Variants in SSBP3 observed in about 807,000 individuals in gnomAD.
SSBP3 encodes single stranded DNA binding protein 3, also known as single-stranded DNA-binding protein 3.
Under a neutral mutation model 69.6 loss-of-function variants are expected in SSBP3, and 5 were observed. The observed-to-expected ratio is 0.07, with a 90% CI of 0.04 to 0.15. The LOEUF (loss-of-function observed/expected upper bound fraction) is 0.15. Among genes scored for constraint, SSBP3 ranks in the 10% least tolerant of loss-of-function variants. SSBP3 has a pLI of 1.00. For missense variants in SSBP3, 312 were observed against 534.0 expected (o/e 0.58, Z 4.10); for synonymous variants, 196 against 193.4 (o/e 1.01, Z -0.11).
intron 4 of SSBP3, among the ~76,000 whole-genome samples, chr1:54,315,401 A>G (rs896072512): frequency 6.6e-6 from 1 of 152,162 alleles, no homozygotes; most frequent in African/African-American, 2.4e-5. Context: ...ACTTGGTACT[A>G]TGAGAAGCAC....
At chr1:54,308,754 C>A (rs925243259) in intron 4 of SSBP3, among the ~76,000 whole-genome samples, 1 of 151,680 alleles carries the variant, frequency 6.6e-6, no homozygotes, top group African/African-American at 2.4e-5. Context: ...GGTGACAGAG[C>A]GAGACTCAGT....
chr1:54,311,818 C>G (rs1266897019), intron 4 of SSBP3, among the ~76,000 whole-genome samples: 4 of 152,110 alleles, frequency 2.6e-5, no homozygotes. Flanking sequence ...TAGAAATAGT[C>G]CTTGTATGAC....
chr1:54,283,322 T>C (rs985399813), intron 4 of SSBP3, among the ~76,000 whole-genome samples: 3 of 146,694 alleles, frequency 2.0e-5, no homozygotes, highest in South Asian at 2.2e-4. Context: ...CCAACTTTGA[T>C]GAAAGGAAAT....
intron 4 of SSBP3, among the ~76,000 whole-genome samples, chr1:54,315,141 A>C (rs1430190196): frequency 6.6e-6 from 1 of 152,174 alleles, no homozygotes; most frequent in Non-Finnish European, 1.5e-5. Flanking sequence ...CAAAATGTTG[A>C]ATCAAGGCTA....
chr1:54,402,828 A>C lies in SSBP3; in HGVS notation c.192-883T>G, dbSNP rs945269402. 1.6e-4 allele frequency among the ~76,000 whole-genome samples: 24 copies of C among 152,204 alleles called. 1 individual carries two copies. Among genetic ancestry groups the C allele is most frequent in the Non-Finnish European group, 4.4e-5 (3 of 68,030 alleles). Reference sequence around the variant, plus strand: ...TGTCAACCAATAAAGCCCTATTCAAACACGGAGTTGTCAGTGATATTAACA... The same window carrying C: ...TGTCAACCAATAAAGCCCTATTCAACCACGGAGTTGTCAGTGATATTAACA... On this transcript the variant is annotated intron_variant, in intron 3 of 17. Coordinates refer to ENST00000610401, the Ensembl canonical transcript of SSBP3.
At chr1:54,251,620 G>A in exon 9 of SSBP3, 2 of 1,551,532 alleles carry the variant, frequency 1.3e-6, no homozygotes, top group Non-Finnish European at 1.7e-6. Context: ...GGTTACCTGT[G>A]GGCCGGGACC....
upstream of SSBP3, among the ~76,000 whole-genome samples, chr1:54,409,707 TTCTC>T (rs1314822553): frequency 6.6e-6 from 1 of 152,150 alleles, no homozygotes; most frequent in Non-Finnish European, 1.5e-5. Context: ...CTGACTCATA[TTCTC>T]TCTGTCTCTC....
At chr1:54,349,273 T>C (rs563648299) in intron 4 of SSBP3, among the ~76,000 whole-genome samples, 75 of 152,296 alleles carry the variant, frequency 4.9e-4, no homozygotes, top group East Asian at 1.9e-4. Flanking sequence ...CTCCACAAGG[T>C]AGGCAGGGAT....
At chr1:54,397,290 G>A (rs1475035540) in intron 4 of SSBP3, among the ~76,000 whole-genome samples, 3 of 152,128 alleles carry the variant, frequency 2.0e-5, no homozygotes, top group Non-Finnish European at 4.4e-5. Flanking sequence ...CCCCGAAAGG[G>A]TTCTGGCAGG....
At chr1:54,343,803 A>G (rs796852771) in intron 4 of SSBP3, among the ~76,000 whole-genome samples, 5 of 152,078 alleles carry the variant, frequency 3.3e-5, no homozygotes, top group African/African-American at 9.6e-5. Flanking sequence ...ATTACACCCC[A>G]CCCCGTCTAC....
At position 54,274,964 on chromosome 1, in the gene SSBP3, C is replaced by T. The variant is rs149847758; in HGVS notation, c.366+6474G>A. On this transcript the variant is annotated intron_variant, in intron 5 of 17. Coordinates refer to ENST00000610401, the Ensembl canonical transcript of SSBP3. ...TCACTGCCAATTGCCTCCTCCTCCT[C>T]AGCCCAAATGTCACCCCCTCGGAGA... Among the ~76,000 whole-genome samples, 465 of 152,232 alleles carry T rather than the reference C, an allele frequency of 3.1e-3. 2 individuals carry two copies. The highest frequency in any genetic ancestry group is 3.5e-3 in the Non-Finnish European group (240 of 68,022).
Position 54,398,117 on chromosome 1 carries a change from T to C in SSBP3, c.276+3744A>G, listed in dbSNP as rs1649026997. On this transcript the variant is annotated intron_variant, in intron 4 of 17. Transcript: ENST00000610401. ...CAGAACTAGAAAGATAGAGGATTTC[T>C]AGTCTCAGCTCTGCCAACACCTGGC... Among the ~76,000 whole-genome samples, 3 of 152,200 alleles carry C rather than the reference T, an allele frequency of 2.0e-5. 1 individual carries two copies. The highest frequency in any genetic ancestry group is 2.0e-4 in the Admixed American group (3 of 15,286).
chr1:54,378,272 C>T (rs1279435909), intron 4 of SSBP3, among the ~76,000 whole-genome samples: 1 of 152,124 alleles, frequency 6.6e-6, no homozygotes, highest in African/African-American at 2.4e-5. Flanking sequence ...TTTGTTTAAC[C>T]CCCTAGTTAT....
chr1:54,375,994 G>T (rs1647219658), intron 4 of SSBP3, among the ~76,000 whole-genome samples: 1 of 152,110 alleles, frequency 6.6e-6, no homozygotes, highest in Non-Finnish European at 1.5e-5. Context: ...AGAGGTAGAG[G>T]GATACAGGGC....
At chr1:54,350,154 T>A (rs1646758401) in intron 4 of SSBP3, among the ~76,000 whole-genome samples, 1 of 152,122 alleles carries the variant, frequency 6.6e-6, no homozygotes, top group African/African-American at 2.4e-5. Context: ...AGTGTGAAGA[T>A]CTGGGAAGCT....
intron 4 of SSBP3, among the ~76,000 whole-genome samples, chr1:54,333,835 C>T (rs1646462208): frequency 1.3e-5 from 2 of 152,168 alleles, no homozygotes; most frequent in African/African-American, 4.8e-5. Context: ...GCAGCTGAGG[C>T]AAGAGGATCA....
At chr1:54,225,607 C>A in exon 18 of SSBP3, 4 of 381,684 alleles carry the variant, frequency 1.0e-5, no homozygotes, top group South Asian at 1.4e-4. Context: ...TTTTTTCAGG[C>A]AGATGATATC....
intron 12 of SSBP3, 29 bp downstream of exon 12, chr1:54,241,445 C>T: frequency 5.6e-6 from 9 of 1,613,648 alleles, no homozygotes; most frequent in South Asian, 1.1e-5. Context: ...CGTGGCTAGA[C>T]ATGCAATGCC....
upstream of SSBP3, chr1:54,406,564 C>T (rs921047551): frequency 2.6e-5 from 4 of 151,936 alleles, no homozygotes; most frequent in South Asian, 2.0e-4. Flanking sequence ...GCGGCCGCCT[C>T]CGCGGAGCCG....
Sources: allele counts gnomAD v4.1 joint callset (sites outside exome capture counted in the v4.1 genomes callset), GRCh38; gene constraint gnomAD v4.1.1; transcripts MANE v1.5; gene names NCBI Gene and HGNC (gene_info 2026-07-23, HGNC 2026-07-21).